CFAP47: variants seen among roughly 807,000 people sequenced by gnomAD.
The protein encoded by CFAP47 is cilia- and flagella-associated protein 47.
In CFAP47, 29 loss-of-function variants were observed where a neutral mutation model predicts 148.1. That is an observed-to-expected ratio of 0.20 (90% confidence interval 0.15 to 0.27). The LOEUF is 0.27. Among genes scored for constraint, CFAP47 ranks in the 10% least tolerant of loss-of-function variants. The probability of loss-of-function intolerance (pLI) is 1.00; values close to 1 mark genes in which losing one functional copy is unlikely to be tolerated. For synonymous variants in CFAP47, 664 were observed against 577.3 expected, an observed-to-expected ratio of 1.15 and a Z score of -2.15; for missense variants, 1,872 against 1,697.5, an observed-to-expected ratio of 1.10 and a Z score of -1.81.
chrX:36,374,699 C>T, intron 62 of CFAP47: 1 of 363,350 alleles, frequency 2.8e-6, no homozygotes, highest in Non-Finnish European at 4.8e-6. Context: ...TGCTGCATCC[C>T]ATTAAGTTTT....
chrX:36,249,873 C>G (rs1213873203), intron 48 of CFAP47, among the ~76,000 whole-genome samples: 1 of 111,436 alleles, frequency 9.0e-6, no homozygotes, highest in Non-Finnish European at 1.9e-5. Context: ...TTTCCCTACA[C>G]TACTGGAGTG....
chrX:36,114,002 G>A (rs1938597535), intron 33 of CFAP47, among the ~76,000 whole-genome samples: 1 of 109,346 alleles, frequency 9.1e-6, no homozygotes, highest in Admixed American at 9.8e-5. Context: ...AGTAGAGATG[G>A]AGTTTCACCG....
intron 21 of CFAP47, among the ~76,000 whole-genome samples, chrX:36,011,231 T>C (rs151299379): frequency 7.7e-4 from 86 of 112,224 alleles, no homozygotes; most frequent in African/African-American, 2.6e-3. Context: ...ACACCTATCA[T>C]AGTCTTTTTG....
chrX:36,163,830 G>A (rs756255578), intron 39 of CFAP47, among the ~76,000 whole-genome samples: 1 of 111,231 alleles, frequency 9.0e-6, no homozygotes, highest in Non-Finnish European at 1.9e-5. Flanking sequence ...GGCTGGTCTC[G>A]AACTCTTGAC....
At chrX:35,971,560 GATT>G (rs1555954935) in intron 11 of CFAP47, 23 bp from the exon 12 acceptor site, 40 of 975,146 alleles carry the variant, frequency 4.1e-5, no homozygotes, top group South Asian at 1.1e-4. Flanking sequence ...CTCAATTACT[GATT>G]ATTATTATTA....
At position 36,071,874 on chromosome X, in the gene CFAP47, C is replaced by T. The variant is rs1601960463; in HGVS notation, c.4368C>T (p.Tyr1456=). ...KKTRDGVLPP[Y]QDAKPPSPAS... ...CTAGAGATGGTGTTTTGCCTCCCTA[C>T]CAGGATGCTAAACCACCCTCTCCTG... The change falls in exon 28 of 64, where the codon TAC becomes TAT. Residue 1456 remains tyrosine (Y), a synonymous_variant. Transcript: ENST00000378653. 2 of 1,203,350 alleles carry T rather than the reference C, an allele frequency of 1.7e-6. No individual in the cohort carries two copies. The highest frequency in any genetic ancestry group is 4.4e-5 in the Admixed American group (2 of 45,795).
At position 36,144,525 on chromosome X, in the gene CFAP47, A is replaced by G. The variant is rs867140299; in HGVS notation, c.5536-694A>G. 10 of 1,001,905 alleles carry G rather than the reference A, an allele frequency of 1.0e-5. No homozygotes were observed. The Middle Eastern group carries it at 1.2e-3, about 124-fold the overall frequency. The allele number at this position is 1,001,905 out of a possible 1,213,427, so 82.6% of individuals were successfully genotyped here. ...TTAGGTGTCAACTTGACTGGATTGA[A>G]GGATGCCAAGATGACTGGCAACGTT... is the stretch of plus-strand genomic sequence containing the variant. On this transcript the variant is annotated intron_variant, in intron 35 of 63. Coordinates refer to ENST00000378653, the MANE Select transcript of CFAP47 (RefSeq NM_001304548.2).
At chrX:36,166,029 A>G (rs1485722986) in intron 39 of CFAP47, among the ~76,000 whole-genome samples, 1 of 111,323 alleles carries the variant, frequency 9.0e-6, no homozygotes, top group Non-Finnish European at 1.9e-5. Context: ...CATAACAAAC[A>G]GCAAGTATAT....
chrX:36,007,614 G>T (rs1231105965), intron 21 of CFAP47, among the ~76,000 whole-genome samples: 1 of 112,021 alleles, frequency 8.9e-6, no homozygotes, highest in Non-Finnish European at 1.9e-5. Flanking sequence ...TTGCAGTTTT[G>T]TTGAAGGGAG....
At chrX:36,180,640 T>G (rs779190650) in intron 40 of CFAP47, among the ~76,000 whole-genome samples, 1 of 112,342 alleles carries the variant, frequency 8.9e-6, no homozygotes, top group South Asian at 3.6e-4. Context: ...TGTATTTAAC[T>G]TAACACTTTT....
chrX:35,988,424 T>G (rs931004802), intron 15 of CFAP47, among the ~76,000 whole-genome samples: 1 of 111,694 alleles, frequency 9.0e-6, no homozygotes, highest in Admixed American at 9.5e-5. Flanking sequence ...TATCTGATAT[T>G]AGGTGCTTTC....
intron 22 of CFAP47, among the ~76,000 whole-genome samples, chrX:36,019,144 T>C (rs2146708473): frequency 8.9e-6 from 1 of 111,774 alleles, no homozygotes; most frequent in African/African-American, 3.2e-5. Flanking sequence ...ATGAATGAAG[T>C]ACACCGACAC....
intron 29 of CFAP47, among the ~76,000 whole-genome samples, chrX:36,075,007 A>G (rs1054182676): frequency 9.1e-6 from 1 of 110,172 alleles, no homozygotes; most frequent in Non-Finnish European, 1.9e-5. Context: ...TTCTTTATCC[A>G]TTCATCTGTT....
chrX:36,310,970 C>G lies in CFAP47; in HGVS notation c.8325C>G (p.Leu2775=), dbSNP rs1941389573. ...PFKNPTMEDV[L]IDIILTSVEH... ...AAAATCCCACAATGGAAGATGTCCT[C>G]ATTGATATAATACTGACAAGTAAGT... The change falls in exon 56 of 64, where the codon CTC becomes CTG. Residue 2775 remains leucine, a synonymous_variant. Transcript: ENST00000378653. 1 of 1,121,624 alleles carries G rather than the reference C, an allele frequency of 8.9e-7. No individual in the cohort carries two copies. Among genetic ancestry groups the G allele is most frequent in the African/African-American group, 1.8e-5 (1 of 54,358 alleles). 92.4% of individuals were successfully genotyped at this position (1,121,624 alleles called of 1,213,427 possible).
At chrX:36,051,542 C>G (rs1184608413) in intron 26 of CFAP47, among the ~76,000 whole-genome samples, 1 of 111,760 alleles carries the variant, frequency 8.9e-6, no homozygotes, top group Admixed American at 9.5e-5. Context: ...ATTTCTCCCA[C>G]TTGGAATGGC....
intron 48 of CFAP47, among the ~76,000 whole-genome samples, chrX:36,243,649 A>G (rs1317531470): frequency 0.15 from 968 of 6,647 alleles, 5 homozygotes; most frequent in African/African-American, 0.28. Flanking sequence ...ATGTGTGTGT[A>G]TATATATATA....
intron 2 of CFAP47, among the ~76,000 whole-genome samples, chrX:35,931,058 T>C (rs1935818758): frequency 9.0e-6 from 1 of 111,604 alleles, no homozygotes. Context: ...AATGTAAATA[T>C]GTAACGTTAT....
At chrX:36,278,970 A>G (rs1556003110) in intron 49 of CFAP47, among the ~76,000 whole-genome samples, 2 of 112,028 alleles carry the variant, frequency 1.8e-5, no homozygotes, top group African/African-American at 6.5e-5. Flanking sequence ...CTGTAAAAAT[A>G]TGAAACACGT....
At chrX:36,037,465 C>T (rs889006137) in intron 24 of CFAP47, among the ~76,000 whole-genome samples, 13 of 110,426 alleles carry the variant, frequency 1.2e-4, no homozygotes, top group East Asian at 8.6e-4. Context: ...CAGGTTCAAA[C>T]GATTATTCTG....
Sources: gnomAD v4.1 joint callset for allele counts (sites outside exome capture counted in the v4.1 genomes callset) on GRCh38, gnomAD v4.1.1 for gene constraint, MANE v1.5 for transcripts, NCBI Gene and HGNC (gene_info 2026-07-23, HGNC 2026-07-21) for gene names.